The following TRPM7 variants were observed in gnomAD, a reference collection of about 807,000 sequenced individuals.
TRPM7 encodes transient receptor potential cation channel subfamily M member 7.
TRPM7 carries 134 observed loss-of-function variants against 229.7 expected under a neutral mutation model. That is an observed-to-expected ratio of 0.58 (90% CI 0.51 to 0.67). TRPM7 has a LOEUF of 0.67. TRPM7 is among the 30% of genes least tolerant of loss of function. The pLI, the probability that TRPM7 is intolerant of heterozygous loss-of-function variation, is 0.00. For missense variants in TRPM7, 1,901 were observed against 2,210.0 expected, an observed-to-expected ratio of 0.86 and a Z score of 2.80; for synonymous variants, 699 against 715.2, an observed-to-expected ratio of 0.98 and a Z score of 0.36.
intron 1 of TRPM7, among the ~76,000 whole-genome samples, chr15:50,669,992 G>A (rs1290351081): frequency 6.6e-6 from 1 of 152,122 alleles, no homozygotes; most frequent in Non-Finnish European, 1.5e-5. Flanking sequence ...AGGAATGCAG[G>A]ATAAGCTTAC....
intron 8 of TRPM7, 70 bp downstream of exon 8, chr15:50,634,312 A>C (rs2060823466): frequency 1.6e-6 from 2 of 1,218,272 alleles, no homozygotes. Context: ...GAGACACAGC[A>C]AGACTCCGTA....
chr15:50,563,654 T>C (rs1028196852), intron 38 of TRPM7, among the ~76,000 whole-genome samples: 1 of 152,166 alleles, frequency 6.6e-6, no homozygotes, highest in Non-Finnish European at 1.5e-5. Flanking sequence ...CAGAGTTCTA[T>C]GTAGGGTGGG....
chr15:50,651,463 G>A (rs1409385211), intron 3 of TRPM7, among the ~76,000 whole-genome samples: 1 of 151,930 alleles, frequency 6.6e-6, no homozygotes, highest in African/African-American at 2.4e-5. Flanking sequence ...GGCTAACACA[G>A]TGAAACCCCG....
intron 27 of TRPM7, among the ~76,000 whole-genome samples, chr15:50,587,305 T>C (rs1263814187): frequency 6.6e-6 from 1 of 152,066 alleles, no homozygotes; most frequent in Non-Finnish European, 1.5e-5. Flanking sequence ...CTTTTGACTA[T>C]GTTTTTTAGG....
In TRPM7 at chr15:50,658,759, G is replaced by T. The variant is rs1463095671; in HGVS notation, c.84-940C>A. The stretch of plus-strand genomic sequence containing the variant: ...AGGCTAAAACACATCTGTAGTATAC[G>T]TATAAAATGAAAATTGTACAAGGTC... On this transcript the variant is annotated intron_variant, in intron 2 of 38. Coordinates refer to ENST00000646667, the MANE Select transcript of TRPM7 (RefSeq NM_017672.6). Among the ~76,000 whole-genome samples, 4 of 152,140 alleles carry T rather than the reference G, an allele frequency of 2.6e-5. No homozygotes were observed. The East Asian group carries it at 7.7e-4, about 29-fold the overall frequency.
At chr15:50,636,793 A>G (rs76248107) in intron 7 of TRPM7, among the ~76,000 whole-genome samples, 4,531 of 152,206 alleles carry the variant, frequency 0.03, 250 homozygotes, top group African/African-American at 0.1. Context: ...TTAGTTTTCA[A>G]TCTTGAATTT....
chr15:50,582,883 T>A, intron 29 of TRPM7: 1 of 338,412 alleles, frequency 3.0e-6, no homozygotes, highest in East Asian at 4.9e-5. Flanking sequence ...ATTCCTGCCT[T>A]TATTCTGCAT....
At chr15:50,563,347 T>C (rs952471884) in intron 38 of TRPM7, among the ~76,000 whole-genome samples, 2 of 152,196 alleles carry the variant, frequency 1.3e-5, no homozygotes, top group Non-Finnish European at 2.9e-5. Context: ...GAAGTACAGA[T>C]ACAATACAAA....
intron 23 of TRPM7, 117 bp downstream of exon 23, chr15:50,596,138 T>A: frequency 1.8e-6 from 1 of 566,364 alleles, no homozygotes; most frequent in South Asian, 7.3e-5. Flanking sequence ...CAAATATAAT[T>A]TTAGTAGTTT....
intron 12 of TRPM7, among the ~76,000 whole-genome samples, chr15:50,622,746 C>A (rs2060447812): frequency 6.6e-6 from 1 of 152,078 alleles, no homozygotes; most frequent in Non-Finnish European, 1.5e-5. Context: ...ATTAGCTGGG[C>A]ATGGTGGCAT....
chr15:50,589,314 C>T (rs1239301417), intron 27 of TRPM7, among the ~76,000 whole-genome samples: 6 of 112,046 alleles, frequency 5.4e-5, no homozygotes, highest in Non-Finnish European at 7.0e-5. Context: ...AGCGAGACTC[C>T]GTCTCAAAAA....
intron 1 of TRPM7, among the ~76,000 whole-genome samples, chr15:50,685,154 CTT>C (rs2062328862): frequency 6.6e-6 from 1 of 152,214 alleles, no homozygotes; most frequent in South Asian, 2.1e-4. Flanking sequence ...TACAATGTAT[CTT>C]TGCAAGTTTG....
At chr15:50,568,860 G>A (rs940829225) in intron 38 of TRPM7, among the ~76,000 whole-genome samples, 1 of 151,944 alleles carries the variant, frequency 6.6e-6, no homozygotes, top group African/African-American at 2.4e-5. Context: ...GCACGTGCCT[G>A]TAGTCCCAGC....
intron 3 of TRPM7, among the ~76,000 whole-genome samples, chr15:50,654,471 T>C (rs76382267): frequency 0.03 from 4,539 of 149,700 alleles, 267 homozygotes; most frequent in African/African-American, 0.11. Flanking sequence ...ATACTAGACA[T>C]ATAAAAAAGA....
intron 13 of TRPM7, among the ~76,000 whole-genome samples, chr15:50,617,605 C>G (rs522356): frequency 0.46 from 69,656 of 151,744 alleles, 16,884 homozygotes; most frequent in East Asian, 0.56. Context: ...AACAGAAAAT[C>G]ACATTTTTAA....
chr15:50,628,206 T>C lies in TRPM7; in HGVS notation c.1248A>G (p.Ala416=), dbSNP rs2060625348. 1.2e-6 allele frequency: 2 copies of C among 1,613,456 alleles called. No homozygotes were observed. The highest frequency in any genetic ancestry group is 2.2e-5 in the South Asian group (2 of 91,048). The change falls in exon 11 of 39, where the codon GCA becomes GCG. Residue 416 remains alanine (A), a synonymous_variant. Transcript: ENST00000646667. ...SAFDQLILTL[A]WDRVDIAKNH... ...TTTTGGCAATGTCAACTCTATCCCA[T>C]GCCAATGTAAGGATAAGCTGGTCAA... is the stretch of plus-strand genomic sequence containing the variant.
chr15:50,676,983 G>A (rs2062108618), intron 1 of TRPM7, among the ~76,000 whole-genome samples: 1 of 152,144 alleles, frequency 6.6e-6, no homozygotes, highest in South Asian at 2.1e-4. Flanking sequence ...CCCATTGTAG[G>A]AGAGACAGTT....
chr15:50,609,817 C>T lies in TRPM7; in HGVS notation c.2425G>A (p.Glu809Lys), dbSNP rs2060020042. ...SENNFQNITE[E>K]IPMEVFKEVR... Reference sequence around the variant, plus strand: ...GTTTTCCTGCTTACCATGGGGATCTCTTCTGTTATGTTCTGAAAGTTGTTT... The same window carrying T: ...GTTTTCCTGCTTACCATGGGGATCTTTTCTGTTATGTTCTGAAAGTTGTTT... Residue 809 changes from glutamate (E) to lysine (K), a missense_variant, in exon 18 of 39, where the codon GAG becomes AAG. Physicochemically the swap from Glu to Lys is moderately conservative, Grantham distance 56. This residue lies in a region of TRPM7 where 207 missense variants were observed against 241.5 expected (regional missense o/e 0.86). Coordinates refer to ENST00000646667, the MANE Select transcript of TRPM7 (RefSeq NM_017672.6). 1 of 1,612,034 alleles carries T rather than the reference C, an allele frequency of 6.2e-7. No homozygotes were observed. The highest frequency in any genetic ancestry group is 8.5e-7 in the Non-Finnish European group (1 of 1,179,278).
At chr15:50,569,729 T>C (rs972003588) in intron 38 of TRPM7, among the ~76,000 whole-genome samples, 158 bp downstream of exon 38, 2 of 152,174 alleles carry the variant, frequency 1.3e-5, no homozygotes, top group Non-Finnish European at 2.9e-5. Flanking sequence ...AAACACAGAT[T>C]CATTTATAAC....
Sources: gnomAD v4.1 joint callset for allele counts (sites outside exome capture counted in the v4.1 genomes callset) on GRCh38, gnomAD v4.1.1 for gene constraint, gnomAD v4.1.1 regional missense constraint, MANE v1.5 for transcripts, NCBI Gene and HGNC (gene_info 2026-07-23, HGNC 2026-07-21) for gene names.